The following PARD3B variants were observed in gnomAD, a reference collection of about 807,000 sequenced individuals.
PARD3B encodes partitioning defective 3 homolog B.
PARD3B carries 103 observed loss-of-function variants against 130.2 expected under a neutral mutation model. That is an observed-to-expected ratio of 0.79 (90% CI 0.67 to 0.93). PARD3B has a LOEUF of 0.93. PARD3B is among the 40% of genes least tolerant of loss of function. PARD3B has a pLI of 0.00. For synonymous variants in PARD3B, 583 were observed against 553.2 expected (o/e 1.05, Z -0.76); for missense variants, 1,609 against 1,499.2 (o/e 1.07, Z -1.21).
intron 22 of PARD3B, among the ~76,000 whole-genome samples, chr2:205,610,908 A>G (rs1442751120): frequency 1.3e-5 from 2 of 152,212 alleles, no homozygotes; most frequent in East Asian, 3.9e-4. Context: ...AACCTTTTAT[A>G]GTTACTGTAT....
At chr2:204,744,997 G>C (rs758807690) in intron 2 of PARD3B, among the ~76,000 whole-genome samples, 1 of 152,120 alleles carries the variant, frequency 6.6e-6, no homozygotes, top group Non-Finnish European at 1.5e-5. Context: ...GAGTAGAAGT[G>C]CTTCATTGTG....
At position 205,592,063 on chromosome 2, in the gene PARD3B, C is replaced by CT. The variant is rs1311490704; in HGVS notation, c.3261-23388dup. On this transcript the variant is annotated intron_variant, in intron 22 of 22. Coordinates refer to ENST00000406610, the MANE Select transcript of PARD3B (RefSeq NM_001302769.2). The surrounding 1 kb of genome is among the most constrained non-coding windows in gnomAD (Gnocchi z 4.5). Reference sequence around the variant, plus strand: ...ACTGGGCTTTGTCAGTTACACAGTGCTTTTTCATACTTCCCTAATTTTATC... The same window carrying CT: ...ACTGGGCTTTGTCAGTTACACAGTGCTTTTTTCATACTTCCCTAATTTTATC... 1.3e-5 allele frequency among the ~76,000 whole-genome samples: 2 copies of CT among 152,166 alleles called. No individual in the cohort carries two copies. Among genetic ancestry groups the CT allele is most frequent in the African/African-American group, 4.8e-5 (2 of 41,442 alleles).
intron 20 of PARD3B, among the ~76,000 whole-genome samples, chr2:205,488,268 G>T (rs559308560): frequency 2.0e-5 from 3 of 151,820 alleles, no homozygotes; most frequent in Admixed American, 6.6e-5. Flanking sequence ...AGGGCGGGGG[G>T]TGTTGGGGGT....
chr2:205,303,965 G>A (rs1456001001), intron 18 of PARD3B, among the ~76,000 whole-genome samples: 2 of 152,156 alleles, frequency 1.3e-5, no homozygotes, highest in Non-Finnish European at 2.9e-5. Flanking sequence ...TGAATGATGG[G>A]AGATGATGGT....
At position 205,159,377 on chromosome 2, in the gene PARD3B, G is replaced by A. The variant is rs933468128; in HGVS notation, c.1620+470G>A. ...TTATACACTTGAAGAAAACCATGGTGCCCAGAATGCATATTTCCTTTTGTA... is the reference window on the plus strand; with the variant it reads ...TTATACACTTGAAGAAAACCATGGTACCCAGAATGCATATTTCCTTTTGTA... On this transcript the variant is annotated intron_variant, in intron 11 of 22. Transcript: ENST00000406610. 3.3e-5 allele frequency among the ~76,000 whole-genome samples: 5 copies of A among 152,288 alleles called. No individual in the cohort carries two copies. The East Asian group carries it at 7.7e-4, about 24-fold the overall frequency.
rs543195654 is a variant in PARD3B at position 204,697,980 on chromosome 2, T to C, written c.222+11698T>C. Among the ~76,000 whole-genome samples, 11 of 152,204 alleles carry C rather than the reference T, an allele frequency of 7.2e-5. No individual in the cohort carries two copies. The South Asian group carries it at 2.1e-3, about 29-fold the overall frequency. On this transcript the variant is annotated intron_variant, in intron 2 of 22. Transcript: ENST00000406610. The stretch of plus-strand genomic sequence containing the variant: ...ATTTTCTCCGAATTTTATTTTGTTG[T>C]TATGAAGTTTAGATCCATGGCTGCC...
chr2:205,438,841 A>C (rs540367591), intron 19 of PARD3B, among the ~76,000 whole-genome samples: 1 of 152,304 alleles, frequency 6.6e-6, no homozygotes, highest in Non-Finnish European at 1.5e-5. Flanking sequence ...CCTAATCAAA[A>C]GAGATATGCA....
intron 2 of PARD3B, among the ~76,000 whole-genome samples, chr2:204,953,424 G>C (rs912677424): frequency 0.014 from 229 of 15,956 alleles, 2 homozygotes; most frequent in East Asian, 0.093. Context: ...CACACACAGA[G>C]AGAGAGAGAG....
intron 1 of PARD3B, among the ~76,000 whole-genome samples, chr2:204,611,992 C>T (rs2033946704): frequency 6.6e-6 from 1 of 152,176 alleles, no homozygotes; most frequent in Admixed American, 6.6e-5. Context: ...AGACAAGTAA[C>T]TGGTGAAATA....
At chr2:204,784,713 T>G (rs1004987853) in intron 2 of PARD3B, among the ~76,000 whole-genome samples, 3 of 152,246 alleles carry the variant, frequency 2.0e-5, no homozygotes, top group African/African-American at 7.2e-5. Context: ...TTAAGGCCAC[T>G]TATTTACAAA....
chr2:205,053,222 G>C (rs114296944), intron 4 of PARD3B, among the ~76,000 whole-genome samples: 2,481 of 151,680 alleles, frequency 0.016, 43 homozygotes, highest in Non-Finnish European at 0.028. Context: ...AACTTCCTCA[G>C]ACCCATGAAA....
chr2:204,770,415 ACTTC>A lies in PARD3B; in HGVS notation c.222+84135_222+84138del. On this transcript the variant is annotated intron_variant, in intron 2 of 22. Transcript: ENST00000406610. ...TTTTACGTTTGCTGAGGAGAGCTTT[ACTTC>A]CAACTATGTGGTCAATTTTGGAATA... Among the ~76,000 whole-genome samples, 3 of 147,844 alleles carry A rather than the reference ACTTC, an allele frequency of 2.0e-5. No individual in the cohort carries two copies. In the East Asian group the frequency reaches 6.1e-4, roughly 30 times the overall value.
intron 20 of PARD3B, among the ~76,000 whole-genome samples, chr2:205,455,844 T>C (rs908122155): frequency 3.3e-5 from 5 of 152,068 alleles, no homozygotes; most frequent in African/African-American, 4.8e-5. Context: ...CTGTGCCATT[T>C]TGTCACACAG....
At chr2:205,526,439 G>C (rs2051340434) in intron 21 of PARD3B, among the ~76,000 whole-genome samples, 1 of 152,092 alleles carries the variant, frequency 6.6e-6, no homozygotes, top group Non-Finnish European at 1.5e-5. Context: ...CTAAAATTTT[G>C]GTAAGCAGAT....
At chr2:205,151,138 G>T (rs1372383541) in intron 10 of PARD3B, among the ~76,000 whole-genome samples, 1 of 152,084 alleles carries the variant, frequency 6.6e-6, no homozygotes, top group Non-Finnish European at 1.5e-5. Context: ...GTTTTGTCAT[G>T]ATTTCTGTTC....
chr2:205,063,120 A>G (rs1186217609), intron 4 of PARD3B, among the ~76,000 whole-genome samples: 2 of 152,090 alleles, frequency 1.3e-5, no homozygotes, highest in African/African-American at 2.4e-5. Flanking sequence ...GTAGTTACAG[A>G]AACTACCAAA....
intron 1 of PARD3B, among the ~76,000 whole-genome samples, chr2:204,670,674 T>C (rs1172806139): frequency 6.6e-6 from 1 of 152,202 alleles, no homozygotes; most frequent in African/African-American, 2.4e-5. Flanking sequence ...TTTCTCCTTG[T>C]TTCCTAAAAT....
In PARD3B at chr2:204,902,668, CAAA is replaced by C. The variant is rs5837941; in HGVS notation, c.223-62462_223-62460del. Among the ~76,000 whole-genome samples the C allele has an allele frequency of 2.8e-4, 19 of 67,650 alleles. No homozygotes were observed. The East Asian group carries it at 2.9e-3, about 10-fold the overall frequency. 44.4% of individuals were successfully genotyped at this position (67,650 alleles called of 152,430 possible). ...TGGGCGACAGAGCAAGACTCTGTCT[CAAA>C]AAAAAAAAAAAAAAAAAAAAAGAAT... On this transcript the variant is annotated intron_variant, in intron 2 of 22. Coordinates refer to ENST00000406610, the MANE Select transcript of PARD3B (RefSeq NM_001302769.2).
intron 20 of PARD3B, among the ~76,000 whole-genome samples, chr2:205,457,031 C>T (rs1230836597): frequency 6.6e-6 from 1 of 151,534 alleles, no homozygotes; most frequent in Admixed American, 6.6e-5. Context: ...ATTACCTCCC[C>T]TTCTTTTTCT....
Sources: allele counts gnomAD v4.1 joint callset (sites outside exome capture counted in the v4.1 genomes callset), GRCh38; gene constraint gnomAD v4.1.1; non-coding constraint Gnocchi (gnomAD v3.1); transcripts MANE v1.5; gene names NCBI Gene and HGNC (gene_info 2026-07-23, HGNC 2026-07-21).